NBEA: variants seen among roughly 807,000 people sequenced by gnomAD.
NBEA encodes the protein neurobeachin.
NBEA carries 44 observed loss-of-function variants against 343.4 expected under a neutral mutation model. The observed-to-expected ratio is 0.13, with a 90% CI of 0.10 to 0.16. The LOEUF is 0.16. Among genes scored for constraint, NBEA ranks in the 10% least tolerant of loss-of-function variants. The probability of loss-of-function intolerance (pLI) is 1.00; values close to 1 mark genes in which losing one functional copy is unlikely to be tolerated. For missense variants in NBEA, 2,555 were observed against 3,631.3 expected (o/e 0.70, Z 7.62); for synonymous variants, 1,175 against 1,238.7 (o/e 0.95, Z 1.08).
intron 31 of NBEA, among the ~76,000 whole-genome samples, chr13:35,208,356 T>C (rs2073538129): frequency 6.6e-6 from 1 of 152,208 alleles, no homozygotes; most frequent in Non-Finnish European, 1.5e-5. Flanking sequence ...ATGTATATTT[T>C]GCCAAAAATT....
chr13:35,210,932 T>C (rs376908981), intron 32 of NBEA, 121 bp from the exon 33 acceptor site: 3 of 987,166 alleles, frequency 3.0e-6, no homozygotes. Flanking sequence ...AATGATTAAT[T>C]GTCAAATTCG....
rs372061468 is a variant in NBEA at position 35,667,581 on chromosome 13, A to G, written c.8661+11A>G. The G allele has an allele frequency of 7.3e-5, 117 of 1,612,200 alleles. 1 individual carries two copies. In the African/African-American group the frequency reaches 1.1e-3, roughly 15 times the overall value. On this transcript the variant is annotated intron_variant, in intron 57 of 58. Transcript: ENST00000379939. ...AATGATTCAACACGGGTAAATCTGC[A>G]TAGTTCGTGCTAAGTAGGACTGAAG...
intron 1 of NBEA, among the ~76,000 whole-genome samples, chr13:34,990,300 T>C (rs1018484679): frequency 2.0e-5 from 3 of 151,262 alleles, no homozygotes; most frequent in African/African-American, 7.2e-5. Context: ...ATGAGGGCTC[T>C]GCCCCTGTAG....
At chr13:35,576,085 G>C (rs190200041) in intron 45 of NBEA, among the ~76,000 whole-genome samples, 251 of 151,740 alleles carry the variant, frequency 1.7e-3, no homozygotes, top group Admixed American at 4.3e-3. Context: ...TATCAATGAA[G>C]ATTGATAATA....
intron 48 of NBEA, among the ~76,000 whole-genome samples, chr13:35,610,950 C>T (rs1219112113): frequency 6.6e-6 from 1 of 151,202 alleles, no homozygotes; most frequent in African/African-American, 2.4e-5. Flanking sequence ...AAAGATGCCT[C>T]ATATCAAAAA....
intron 1 of NBEA, 69 bp downstream of exon 1, chr13:34,943,183 T>C (rs2059083211): frequency 1.3e-6 from 2 of 1,571,968 alleles, no homozygotes; most frequent in Non-Finnish European, 1.7e-6. Flanking sequence ...CGCCTTTCCC[T>C]CCCACCCTTC....
At chr13:34,994,288 A>G (rs2060866842) in intron 1 of NBEA, among the ~76,000 whole-genome samples, 1 of 151,864 alleles carries the variant, frequency 6.6e-6, no homozygotes, top group Admixed American at 6.6e-5. Flanking sequence ...ATTCAATTCA[A>G]AGGGATGCCT....
chr13:35,606,322 G>T (rs1220997677), intron 47 of NBEA, 104 bp from the exon 48 acceptor site: 2 of 576,456 alleles, frequency 3.5e-6, no homozygotes, highest in African/African-American at 3.9e-5. Context: ...TTGGTTTTAA[G>T]AAATTATTTT....
chr13:35,628,379 A>C (rs981588894), intron 49 of NBEA, 131 bp downstream of exon 49: 3 of 687,960 alleles, frequency 4.4e-6, no homozygotes, highest in Non-Finnish European at 6.8e-6. Context: ...GGTTCTTGAC[A>C]TATGTGGAAA....
At chr13:35,030,374 C>T (rs1261469278) in intron 1 of NBEA, among the ~76,000 whole-genome samples, 1 of 150,542 alleles carries the variant, frequency 6.6e-6, no homozygotes, top group Non-Finnish European at 1.5e-5. Context: ...TTATAAATAT[C>T]CCCTCTCTTT....
At chr13:34,946,499 AT>A (rs1356979402) in intron 1 of NBEA, among the ~76,000 whole-genome samples, 1 of 151,966 alleles carries the variant, frequency 6.6e-6, no homozygotes, top group African/African-American at 2.4e-5. Flanking sequence ...AGAATTCATA[AT>A]TTTTTTGGAA....
chr13:34,987,041 TC>T (rs1566125597), intron 1 of NBEA, among the ~76,000 whole-genome samples: 1 of 151,080 alleles, frequency 6.6e-6, no homozygotes, highest in African/African-American at 2.4e-5. Context: ...GTGAATCTGA[TC>T]CTGTCATTAT....
intron 49 of NBEA, among the ~76,000 whole-genome samples, chr13:35,635,461 T>C (rs1444018083): frequency 6.6e-6 from 1 of 152,242 alleles, no homozygotes; most frequent in East Asian, 1.9e-4. Context: ...TTTCCCCCTA[T>C]AATTACTGCA....
chr13:35,213,538 G>T (rs2073901689), intron 33 of NBEA, among the ~76,000 whole-genome samples: 1 of 151,796 alleles, frequency 6.6e-6, no homozygotes, highest in African/African-American at 2.4e-5. Context: ...TGCAAGTGGG[G>T]CTATATAGGT....
intron 16 of NBEA, among the ~76,000 whole-genome samples, chr13:35,121,021 A>T (rs1286544121): frequency 6.6e-6 from 1 of 152,090 alleles, no homozygotes; most frequent in Non-Finnish European, 1.5e-5. Flanking sequence ...TGCTACTCGA[A>T]GTTATTCCTA....
chr13:35,373,608 G>A (rs868019162), intron 38 of NBEA, among the ~76,000 whole-genome samples: 2 of 151,914 alleles, frequency 1.3e-5, no homozygotes, highest in Non-Finnish European at 2.9e-5. Context: ...AGGAGGCTGA[G>A]GTGGGAGGAT....
At chr13:35,052,286 C>G (rs1377002816) in intron 6 of NBEA, among the ~76,000 whole-genome samples, 1 of 151,978 alleles carries the variant, frequency 6.6e-6, no homozygotes, top group Admixed American at 6.6e-5. Flanking sequence ...AAAAAGAAAT[C>G]TTTACATTAA....
chr13:35,163,510 G>C (rs1350650532), intron 23 of NBEA, among the ~76,000 whole-genome samples: 2 of 151,476 alleles, frequency 1.3e-5, no homozygotes, highest in African/African-American at 4.9e-5. Flanking sequence ...GTGTCCACCT[G>C]TAGTCCCAGC....
At chr13:35,085,148 G>A (rs1042553963) in intron 10 of NBEA, among the ~76,000 whole-genome samples, 29 of 151,730 alleles carry the variant, frequency 1.9e-4, no homozygotes, top group African/African-American at 2.9e-4. Flanking sequence ...GAATTCTACC[G>A]GAGGTACAAG....
Sources: gnomAD v4.1 joint callset for allele counts (sites outside exome capture counted in the v4.1 genomes callset) on GRCh38, gnomAD v4.1.1 for gene constraint, MANE v1.5 for transcripts, NCBI Gene and HGNC (gene_info 2026-07-23, HGNC 2026-07-21) for gene names.